CADPS: variants seen among roughly 807,000 people sequenced by gnomAD.
The protein encoded by CADPS is calcium dependent secretion activator, also known as calcium-dependent secretion activator 1.
CADPS carries 57 observed loss-of-function variants against 167.3 expected under a neutral mutation model. The ratio of observed to expected loss-of-function variants is 0.34; its 90% CI spans 0.28 to 0.42. CADPS has a LOEUF of 0.42. Among genes scored for constraint, CADPS ranks in the 20% least tolerant of loss-of-function variants. The probability of loss-of-function intolerance (pLI) is 1.00; values close to 1 mark genes in which losing one functional copy is unlikely to be tolerated. For synonymous variants in CADPS, 676 were observed against 635.3 expected (o/e 1.06, Z -0.96); for missense variants, 1,414 against 1,738.1 (o/e 0.81, Z 3.32).
At chr3:62,802,306 C>A (rs1464036243) in intron 1 of CADPS, among the ~76,000 whole-genome samples, 3 of 152,146 alleles carry the variant, frequency 2.0e-5, no homozygotes, top group Non-Finnish European at 2.9e-5. Flanking sequence ...AAAAATTCTG[C>A]ACCTACAAAA....
intron 28 of CADPS, among the ~76,000 whole-genome samples, chr3:62,432,666 G>A (rs1294587190): frequency 6.6e-6 from 1 of 152,114 alleles, no homozygotes; most frequent in Non-Finnish European, 1.5e-5. Context: ...CTCAGAGCTC[G>A]ATGCTGCAGA....
chr3:62,842,073 T>C (rs9861278), intron 1 of CADPS, among the ~76,000 whole-genome samples: 22,611 of 152,154 alleles, frequency 0.15, 1,764 homozygotes, highest in South Asian at 0.19. Context: ...CTATTTGAAA[T>C]AAACCAAGAT....
chr3:62,725,797 G>A (rs922275940), intron 3 of CADPS, among the ~76,000 whole-genome samples: 9 of 151,848 alleles, frequency 5.9e-5, no homozygotes, highest in Non-Finnish European at 1.3e-4. Flanking sequence ...CTAACTCATG[G>A]CAGCAGTGGC....
At chr3:62,536,304 A>T (rs2074678348) in intron 12 of CADPS, 141 bp downstream of exon 12, 1 of 725,798 alleles carries the variant, frequency 1.4e-6, no homozygotes, top group Non-Finnish European at 2.2e-6. Flanking sequence ...AACTATCTCA[A>T]CCCAGGAAAT....
chr3:62,820,029 G>GCA (rs35394361), intron 1 of CADPS, among the ~76,000 whole-genome samples: 2 of 151,514 alleles, frequency 1.3e-5, no homozygotes, highest in Non-Finnish European at 2.9e-5. Context: ...ATGCATGTGT[G>GCA]CACACACACA....
In CADPS at chr3:62,446,287, G is replaced by A. The variant is rs928330654; in HGVS notation, c.3637-490C>T. ...CTCAACCCAGAGGGAGATGGTGTCT[G>A]CGGGTAGGGGGATGAGAACCTTTCA... is the stretch of plus-strand genomic sequence containing the variant. On this transcript the variant is annotated intron_variant, in intron 26 of 29. Coordinates refer to ENST00000383710, the MANE Select transcript of CADPS (RefSeq NM_003716.4). This position sits in a 1 kb window ranked among gnomAD's most constrained non-coding sequence, Gnocchi z 4.9. 2.6e-5 allele frequency among the ~76,000 whole-genome samples: 4 copies of A among 152,184 alleles called. No homozygotes were observed. Among genetic ancestry groups the A allele is most frequent in the Non-Finnish European group, 5.9e-5 (4 of 68,034 alleles).
Position 62,732,467 on chromosome 3 carries a change from C to A in CADPS, c.888+20974G>T, listed in dbSNP as rs144301669. Among the ~76,000 whole-genome samples the A allele has an allele frequency of 3.8e-3, 585 of 152,284 alleles. 4 individuals are homozygous for A. The highest frequency in any genetic ancestry group is 0.013 in the African/African-American group (527 of 41,568). ...CTCCAGCCAACACCTTCGTTGCAGC[C>A]TGTGAGAGACCCTGAAGAAGTGGAC... On this transcript the variant is annotated intron_variant, in intron 3 of 29. Coordinates refer to ENST00000383710, the MANE Select transcript of CADPS (RefSeq NM_003716.4).
chr3:62,652,315 C>T (rs1280573315), intron 4 of CADPS, among the ~76,000 whole-genome samples: 2 of 148,548 alleles, frequency 1.3e-5, no homozygotes, highest in Non-Finnish European at 3.0e-5. Context: ...ATAGGCATAG[C>T]TTATGTCCTC....
chr3:62,853,833 G>C (rs139536166), intron 1 of CADPS, among the ~76,000 whole-genome samples: 4 of 152,082 alleles, frequency 2.6e-5, no homozygotes, highest in South Asian at 2.1e-4. Flanking sequence ...GTGCGTGCCT[G>C]TATTCCCAGT....
At chr3:62,647,809 C>T (rs577859882) in intron 5 of CADPS, among the ~76,000 whole-genome samples, 1 of 152,364 alleles carries the variant, frequency 6.6e-6, no homozygotes, top group East Asian at 1.9e-4. Context: ...TTCTCAACCT[C>T]TCTGAGGCTT....
chr3:62,528,350 C>T (rs547413373), intron 13 of CADPS, among the ~76,000 whole-genome samples: 11 of 152,098 alleles, frequency 7.2e-5, no homozygotes, highest in African/African-American at 2.2e-4. Flanking sequence ...AGGGTAATAA[C>T]GATATTTATC....
chr3:62,651,470 AAC>A lies in CADPS; in HGVS notation c.970-392_970-391del, dbSNP rs1454043888. Among the ~76,000 whole-genome samples the A allele has an allele frequency of 3.3e-5, 5 of 152,154 alleles. 1 individual carries two copies. The highest frequency in any genetic ancestry group is 4.1e-4 in the South Asian group (2 of 4,824). ...CAGTCATTTGTTTTTAAGTGAGGGA[AAC>A]AGAAAGAGACCCTATTTCTGGATAT... On this transcript the variant is annotated intron_variant, in intron 4 of 29. Transcript: ENST00000383710.
In CADPS at chr3:62,499,105, A is replaced by T; in HGVS notation, c.2706+57T>A. ...TATTCACAATCTGGCTGGGAAAATC[A>T]GCTCTGCAAGCTCAGCTAAGGGACA... On this transcript the variant is annotated intron_variant, in intron 18 of 29. Coordinates refer to ENST00000383710, the MANE Select transcript of CADPS (RefSeq NM_003716.4). 3 of 1,051,406 alleles carry T rather than the reference A, an allele frequency of 2.9e-6. No individual in the cohort carries two copies. The East Asian group carries it at 7.2e-5, about 25-fold the overall frequency. The allele number at this position is 1,051,406 out of a possible 1,614,324, so 65.1% of individuals were successfully genotyped here.
Position 62,702,024 on chromosome 3 carries a change from T to C in CADPS, c.889-39630A>G, listed in dbSNP as rs570735610. On this transcript the variant is annotated intron_variant, in intron 3 of 29. Transcript: ENST00000383710. ...GCTTATTTACCGAGTGCCAGATGTA[T>C]ACCTAATTGACTATTTCCCTACCTG... Among the ~76,000 whole-genome samples the C allele has an allele frequency of 5.9e-5, 9 of 152,230 alleles. No homozygotes were observed. The South Asian group carries it at 1.9e-3, about 32-fold the overall frequency.
intron 2 of CADPS, among the ~76,000 whole-genome samples, chr3:62,760,564 C>T (rs1222798554): frequency 6.6e-6 from 1 of 152,004 alleles, no homozygotes; most frequent in East Asian, 1.9e-4. Context: ...GGACACTAAA[C>T]TCATCCTCTT....
chr3:62,626,965 G>A (rs184157307), intron 6 of CADPS, among the ~76,000 whole-genome samples: 7 of 152,210 alleles, frequency 4.6e-5, no homozygotes, highest in Admixed American at 6.5e-5. Context: ...TTGAAAAAGG[G>A]AGGGTGTCTT....
chr3:62,681,829 T>C (rs774539221), intron 3 of CADPS, among the ~76,000 whole-genome samples: 2 of 152,072 alleles, frequency 1.3e-5, no homozygotes, highest in Non-Finnish European at 2.9e-5. Flanking sequence ...CACTTTATTC[T>C]ACATTTCATT....
chr3:62,620,113 A>C (rs986641145), intron 6 of CADPS, among the ~76,000 whole-genome samples: 1 of 152,074 alleles, frequency 6.6e-6, no homozygotes, highest in Non-Finnish European at 1.5e-5. Flanking sequence ...GGATCTGTTC[A>C]TATCATTAGG....
chr3:62,854,268 A>G (rs1300568268), intron 1 of CADPS, among the ~76,000 whole-genome samples: 2 of 152,164 alleles, frequency 1.3e-5, no homozygotes, highest in East Asian at 3.9e-4. Context: ...CTCCCCGTTA[A>G]AAAAGTAACT....
Sources: gnomAD v4.1 joint callset for allele counts (sites outside exome capture counted in the v4.1 genomes callset) on GRCh38, gnomAD v4.1.1 for gene constraint, Gnocchi (gnomAD v3.1) non-coding constraint, MANE v1.5 for transcripts, NCBI Gene and HGNC (gene_info 2026-07-23, HGNC 2026-07-21) for gene names.